PTPRM: variants seen among roughly 807,000 people sequenced by gnomAD.
PTPRM encodes the protein receptor-type tyrosine-protein phosphatase mu.
Under a neutral mutation model 186.7 loss-of-function variants are expected in PTPRM, and 47 were observed. The observed-to-expected ratio is 0.25, with a 90% CI of 0.20 to 0.32. PTPRM has a LOEUF of 0.32. Among genes scored for constraint, PTPRM ranks in the 10% least tolerant of loss-of-function variants. PTPRM has a pLI of 1.00. For missense variants in PTPRM, 1,494 were observed against 1,865.0 expected (o/e 0.80, Z 3.66); for synonymous variants, 668 against 674.9 (o/e 0.99, Z 0.16).
intron 1 of PTPRM, among the ~76,000 whole-genome samples, chr18:7,590,586 G>A (rs1178495684): frequency 2.0e-5 from 3 of 152,132 alleles, no homozygotes; most frequent in Admixed American, 1.3e-4. Context: ...CTAAATATCC[G>A]ACAATAGAGA....
At chr18:8,216,159 C>G (rs1004143656) in intron 14 of PTPRM, among the ~76,000 whole-genome samples, 3 of 152,108 alleles carry the variant, frequency 2.0e-5, no homozygotes, top group Non-Finnish European at 2.9e-5. Context: ...TCATAAAAAC[C>G]TGGTCATTCT....
rs190928688 is a variant in PTPRM, at chr18:7,710,133, T to C, written c.74-64016T>C. Among the ~76,000 whole-genome samples, 113 of 152,174 alleles carry C rather than the reference T, an allele frequency of 7.4e-4. 1 individual carries two copies. The highest frequency in any genetic ancestry group is 4.1e-4 in the Non-Finnish European group (28 of 67,990). The stretch of plus-strand genomic sequence containing the variant: ...GACCAATATCCCTGATGAACACAGA[T>C]GCAAAAATTCTCAACAAAATAACAG... On this transcript the variant is annotated intron_variant, in intron 1 of 32. Coordinates refer to ENST00000580170, the MANE Select transcript of PTPRM (RefSeq NM_001105244.2).
At chr18:7,850,916 A>C (rs1179931535) in intron 2 of PTPRM, among the ~76,000 whole-genome samples, 2 of 152,246 alleles carry the variant, frequency 1.3e-5, no homozygotes, top group African/African-American at 4.8e-5. Context: ...GGAGATCCAG[A>C]TACTAGAGTT....
intron 2 of PTPRM, among the ~76,000 whole-genome samples, chr18:7,871,401 G>A (rs2047977306): frequency 6.6e-6 from 1 of 152,144 alleles, no homozygotes; most frequent in East Asian, 1.9e-4. Flanking sequence ...TTTCTGCGGT[G>A]CCATTCTGTC....
intron 7 of PTPRM, among the ~76,000 whole-genome samples, chr18:7,972,257 A>G (rs2054576550): frequency 7.5e-6 from 1 of 132,508 alleles, no homozygotes; most frequent in Non-Finnish European, 1.5e-5. Flanking sequence ...TGGGAATTGA[A>G]CAATGAGATC....
intron 31 of PTPRM, among the ~76,000 whole-genome samples, chr18:8,394,178 G>A (rs934455742): frequency 6.6e-6 from 1 of 152,118 alleles, no homozygotes; most frequent in Non-Finnish European, 1.5e-5. Flanking sequence ...CCTAAATAAG[G>A]TTCATTGAAA....
chr18:7,973,407 C>T lies in PTPRM; in HGVS notation c.1132+17993C>T, dbSNP rs187476002. Among the ~76,000 whole-genome samples, 49 of 152,202 alleles carry T rather than the reference C, an allele frequency of 3.2e-4. 3 individuals are homozygous for T. Among genetic ancestry groups the T allele is most frequent in the Admixed American group, 4.6e-4 (7 of 15,286 alleles). On this transcript the variant is annotated intron_variant, in intron 7 of 32. Coordinates refer to ENST00000580170, the MANE Select transcript of PTPRM (RefSeq NM_001105244.2). ...CTTTCGAGCATTGAATATTAATGATCTTTTAAAACTTAAAAAATCAATTTA... is the reference window on the plus strand; with the variant it reads ...CTTTCGAGCATTGAATATTAATGATTTTTTAAAACTTAAAAAATCAATTTA...
rs57487837 is a variant in PTPRM, at chr18:7,901,688, G to T, written c.469-4817G>T. Among the ~76,000 whole-genome samples the T allele has an allele frequency of 2.6e-3, 397 of 152,144 alleles. 3 individuals are homozygous for T. The highest frequency in any genetic ancestry group is 9.1e-3 in the African/African-American group (377 of 41,510). ...CTGAGCTGCATGTTTTAATCCTCTT[G>T]TTTGTTAGAAAAAAAACAAAGGGAA... On this transcript the variant is annotated intron_variant, in intron 3 of 32. Transcript: ENST00000580170.
chr18:7,769,925 T>C (rs924439165), intron 1 of PTPRM, among the ~76,000 whole-genome samples: 2 of 152,316 alleles, frequency 1.3e-5, no homozygotes, highest in Admixed American at 6.5e-5. Context: ...GAATGAGTGA[T>C]GCCAACACCA....
intron 23 of PTPRM, among the ~76,000 whole-genome samples, chr18:8,361,835 T>C (rs1258295388): frequency 6.6e-6 from 1 of 152,204 alleles, no homozygotes; most frequent in East Asian, 1.9e-4. Flanking sequence ...TACAGCACAC[T>C]GTGTCATCAT....
chr18:8,067,648 A>AG (rs1427209662), intron 7 of PTPRM, among the ~76,000 whole-genome samples: 14 of 152,204 alleles, frequency 9.2e-5, no homozygotes, highest in African/African-American at 3.1e-4. Context: ...GCAGGTAAAA[A>AG]GGGGGGATTT....
At chr18:8,131,194 G>T (rs1478391012) in intron 13 of PTPRM, among the ~76,000 whole-genome samples, 1 of 152,156 alleles carries the variant, frequency 6.6e-6, no homozygotes, top group Non-Finnish European at 1.5e-5. Context: ...AGTATGTAGG[G>T]TATTATTTAC....
intron 14 of PTPRM, 100 bp from the exon 15 acceptor site, chr18:8,243,958 A>T: frequency 8.6e-7 from 1 of 1,156,270 alleles, no homozygotes; most frequent in Non-Finnish European, 1.2e-6. Flanking sequence ...GAATAGGATT[A>T]ATTCAGTAGA....
intron 7 of PTPRM, among the ~76,000 whole-genome samples, chr18:8,063,088 T>C (rs1318974978): frequency 2.6e-5 from 4 of 151,340 alleles, no homozygotes; most frequent in Admixed American, 6.6e-5. Context: ...GATCTCAGAC[T>C]GCTGTGCTGG....
At chr18:7,858,878 A>G (rs577271820) in intron 2 of PTPRM, among the ~76,000 whole-genome samples, 1 of 152,340 alleles carries the variant, frequency 6.6e-6, no homozygotes, top group South Asian at 2.1e-4. Flanking sequence ...CAGAGCTGAT[A>G]TCCCAGTGGA....
At chr18:8,208,169 C>T (rs2093955064) in intron 14 of PTPRM, among the ~76,000 whole-genome samples, 2 of 152,214 alleles carry the variant, frequency 1.3e-5, no homozygotes, top group Admixed American at 6.5e-5. Flanking sequence ...GCGTGCTCTC[C>T]TGTGCAGCCA....
intron 1 of PTPRM, among the ~76,000 whole-genome samples, chr18:7,753,786 G>A (rs545858498): frequency 1.8e-4 from 27 of 151,966 alleles, no homozygotes; most frequent in South Asian, 1.0e-3. Context: ...TGTTTTGGCC[G>A]TATTTGCTAA....
At chr18:7,607,856 T>C (rs1408693067) in intron 1 of PTPRM, among the ~76,000 whole-genome samples, 1 of 152,228 alleles carries the variant, frequency 6.6e-6, no homozygotes, top group Non-Finnish European at 1.5e-5. Context: ...CACGATTTCC[T>C]TTTGCCCCGC....
At chr18:7,888,861 G>T (rs538671855) in intron 3 of PTPRM, among the ~76,000 whole-genome samples, 1 of 152,274 alleles carries the variant, frequency 6.6e-6, no homozygotes, top group East Asian at 1.9e-4. Flanking sequence ...GCGAATTAAT[G>T]CAAAAACAGA....
Sources: allele counts gnomAD v4.1 joint callset (sites outside exome capture counted in the v4.1 genomes callset), GRCh38; gene constraint gnomAD v4.1.1; transcripts MANE v1.5; gene names NCBI Gene and HGNC (gene_info 2026-07-23, HGNC 2026-07-21).